Variants in IGF2BP3 observed in about 807,000 individuals in gnomAD.
IGF2BP3 encodes the protein insulin-like growth factor 2 mRNA-binding protein 3.
A neutral mutation model predicts 73.8 loss-of-function variants in IGF2BP3; 9 were observed. The ratio of observed to expected loss-of-function variants is 0.12; its 90% confidence interval spans 0.07 to 0.21. The LOEUF (loss-of-function observed/expected upper bound fraction) is 0.21. Ranked by LOEUF, IGF2BP3 falls within the 10% of genes least tolerant of loss-of-function variation. IGF2BP3 has a pLI of 1.00. For synonymous variants in IGF2BP3, 258 were observed against 256.7 expected (o/e 1.01, Z -0.05); for missense variants, 542 against 714.0 (o/e 0.76, Z 2.75).
chr7:23,467,881 G>C (rs1016659820), intron 2 of IGF2BP3: 2 of 153,468 alleles, frequency 1.3e-5, no homozygotes, highest in Non-Finnish European at 2.9e-5. Flanking sequence ...GGTGGAAAGC[G>C]GGGAGACAAA....
At chr7:23,466,982 T>C (rs1468069001) in intron 2 of IGF2BP3, among the ~76,000 whole-genome samples, 2 of 152,254 alleles carry the variant, frequency 1.3e-5, no homozygotes, top group Non-Finnish European at 2.9e-5. Flanking sequence ...AATGGGCTTA[T>C]GTTTTTTTCC....
intron 5 of IGF2BP3, among the ~76,000 whole-genome samples, chr7:23,352,349 A>C (rs1784986542): frequency 7.4e-6 from 1 of 135,020 alleles, no homozygotes; most frequent in African/African-American, 2.8e-5. Context: ...AGCGCAATAG[A>C]GCCATCTTGG....
chr7:23,322,074 G>C (rs375376227), intron 10 of IGF2BP3, among the ~76,000 whole-genome samples: 3 of 152,340 alleles, frequency 2.0e-5, no homozygotes, highest in South Asian at 2.1e-4. Flanking sequence ...GCTGGACGGA[G>C]AGTGACTTTG....
chr7:23,385,019 C>A (rs987821474), intron 3 of IGF2BP3, among the ~76,000 whole-genome samples: 5 of 152,080 alleles, frequency 3.3e-5, no homozygotes, highest in Admixed American at 6.6e-5. Context: ...GTTGATAAGC[C>A]ATCTGTAAAA....
chr7:23,380,387 T>A (rs1280398300), intron 3 of IGF2BP3, among the ~76,000 whole-genome samples: 22 of 152,072 alleles, frequency 1.4e-4, no homozygotes, highest in East Asian at 5.8e-4. Flanking sequence ...ATGGTCTCGA[T>A]CTCCTGACCT....
At chr7:23,377,310 C>T (rs1439245778) in intron 3 of IGF2BP3, among the ~76,000 whole-genome samples, 17 of 152,092 alleles carry the variant, frequency 1.1e-4, no homozygotes, top group Admixed American at 1.1e-3. Flanking sequence ...TTTTTTTATG[C>T]AGAGGAAGTG....
At chr7:23,416,946 C>G (rs1380000406) in intron 3 of IGF2BP3, among the ~76,000 whole-genome samples, 1 of 152,142 alleles carries the variant, frequency 6.6e-6, no homozygotes, top group Non-Finnish European at 1.5e-5. Context: ...ATCCCAACTA[C>G]TAGTGAGGCT....
intron 2 of IGF2BP3, among the ~76,000 whole-genome samples, chr7:23,421,824 G>A (rs1055261705): frequency 3.3e-5 from 5 of 151,830 alleles, no homozygotes; most frequent in Non-Finnish European, 5.9e-5. Context: ...TCACTCTGTC[G>A]CCCAGGCTGG....
At chr7:23,332,675 T>C (rs534473341) in intron 10 of IGF2BP3, among the ~76,000 whole-genome samples, 1 of 152,378 alleles carries the variant, frequency 6.6e-6, no homozygotes, top group East Asian at 1.9e-4. Flanking sequence ...GAAGATACTA[T>C]ATAACTCACA....
At chr7:23,467,361 C>A (rs377633079) in intron 2 of IGF2BP3, among the ~76,000 whole-genome samples, 1 of 152,204 alleles carries the variant, frequency 6.6e-6, no homozygotes, top group Non-Finnish European at 1.5e-5. Flanking sequence ...CACACTCTCT[C>A]ACCAATATCT....
intron 10 of IGF2BP3, among the ~76,000 whole-genome samples, chr7:23,324,300 C>A (rs1388110863): frequency 5.1e-4 from 78 of 151,678 alleles, no homozygotes; most frequent in African/African-American, 1.8e-3. Flanking sequence ...CACCTCTACG[C>A]AAATAAACTA....
At chr7:23,398,409 A>C (rs1471351380) in intron 3 of IGF2BP3, among the ~76,000 whole-genome samples, 1 of 152,168 alleles carries the variant, frequency 6.6e-6, no homozygotes, top group African/African-American at 2.4e-5. Context: ...ATGATTTATA[A>C]TCCTTTGGGT....
chr7:23,367,446 C>CA lies in IGF2BP3; in HGVS notation c.286-5706dup, dbSNP rs778774496. Among the ~76,000 whole-genome samples the CA allele has an allele frequency of 1.7e-3, 222 of 133,508 alleles. 3 individuals carry two copies. Among genetic ancestry groups the CA allele is most frequent in the Admixed American group, 7.2e-3 (99 of 13,738 alleles). 87.6% of individuals were successfully genotyped at this position (133,508 alleles called of 152,430 possible). ...ACTTCTTTTAAACAGTCTTAAAGGCCAAAAAAAAAACCACGAAAAAAAACA... is the reference window on the plus strand; with the variant it reads ...ACTTCTTTTAAACAGTCTTAAAGGCCAAAAAAAAAAACCACGAAAAAAAACA... On this transcript the variant is annotated intron_variant, in intron 3 of 14. Transcript: ENST00000258729.
chr7:23,391,008 A>C (rs1196441463), intron 3 of IGF2BP3, among the ~76,000 whole-genome samples: 1 of 151,640 alleles, frequency 6.6e-6, no homozygotes, highest in Non-Finnish European at 1.5e-5. Flanking sequence ...CATGTTAGCC[A>C]GGGTAGTCTT....
In IGF2BP3 at chr7:23,469,237, C is replaced by T. The variant is rs559817602; in HGVS notation, c.176-695G>A. On this transcript the variant is annotated intron_variant, in intron 1 of 14. Transcript: ENST00000258729. This position sits in a 1 kb window ranked among gnomAD's most constrained non-coding sequence, Gnocchi z 6.1. ...TCCCTCGCCCTGGCGGAGCCATACC[C>T]GGAGGCCGCAGCCCCGCGCCAGGGC... 4 of 152,454 alleles carry T rather than the reference C, an allele frequency of 2.6e-5. No homozygotes were observed. In the East Asian group the frequency reaches 5.8e-4, roughly 22 times the overall value. 9.4% of individuals were successfully genotyped at this position (152,454 alleles called of 1,614,324 possible).
chr7:23,418,699 G>A, intron 3 of IGF2BP3, 77 bp downstream of exon 3: 1 of 927,520 alleles, frequency 1.1e-6, no homozygotes, highest in Non-Finnish European at 1.7e-6. Context: ...GTTGAGGAAA[G>A]GAGAAAAAGC....
intron 2 of IGF2BP3, among the ~76,000 whole-genome samples, chr7:23,429,804 G>A (rs1356876747): frequency 6.6e-6 from 1 of 152,166 alleles, no homozygotes; most frequent in African/African-American, 2.4e-5. Flanking sequence ...AGGTACTTCT[G>A]AAGCTAGTCA....
intron 7 of IGF2BP3, chr7:23,346,302 T>C: frequency 2.4e-6 from 1 of 422,874 alleles, no homozygotes; most frequent in Admixed American, 4.1e-5. Flanking sequence ...AGGAAATATC[T>C]TCAGTGATGG....
intron 10 of IGF2BP3, among the ~76,000 whole-genome samples, chr7:23,320,485 G>C (rs1165908364): frequency 1.3e-5 from 2 of 152,158 alleles, no homozygotes; most frequent in Admixed American, 6.6e-5. Flanking sequence ...CTAAAGTACA[G>C]AAGCAGTGCA....
Sources: allele counts gnomAD v4.1 joint callset (sites outside exome capture counted in the v4.1 genomes callset), GRCh38; gene constraint gnomAD v4.1.1; non-coding constraint Gnocchi (gnomAD v3.1); transcripts MANE v1.5; gene names NCBI Gene and HGNC (gene_info 2026-07-23, HGNC 2026-07-21).